MYOF: variants seen among roughly 807,000 people sequenced by gnomAD.
The protein encoded by MYOF is myoferlin, also known as fer-1-like 3, myoferlin.
Under a neutral mutation model 284.2 loss-of-function variants are expected in MYOF, and 244 were observed. The observed-to-expected ratio is 0.86, with a 90% CI of 0.77 to 0.95. MYOF has a LOEUF of 0.95. Among genes scored for constraint, MYOF ranks in the 40% least tolerant of loss-of-function variants. MYOF has a pLI of 0.00. For synonymous variants in MYOF, 904 were observed against 919.7 expected, an observed-to-expected ratio of 0.98 and a Z score of 0.31; for missense variants, 2,496 against 2,560.6, an observed-to-expected ratio of 0.97 and a Z score of 0.54.
At chr10:93,446,005 T>C (rs7069180) in intron 3 of MYOF, among the ~76,000 whole-genome samples, 27,082 of 150,226 alleles carry the variant, frequency 0.18, 2,840 homozygotes, top group Middle Eastern at 0.26. Flanking sequence ...TATTCCCAGA[T>C]GGTTAAAAAA....
intron 1 of MYOF, among the ~76,000 whole-genome samples, chr10:93,473,270 G>T (rs2057190655): frequency 6.6e-6 from 1 of 152,202 alleles, no homozygotes; most frequent in Non-Finnish European, 1.5e-5. Flanking sequence ...CCCCCAGAAG[G>T]CTGCCCTGTG....
In MYOF at chr10:93,343,840, C is replaced by T; in HGVS notation, c.4326+16G>A. 1 of 1,613,658 alleles carries T rather than the reference C, an allele frequency of 6.2e-7. No homozygotes were observed. Among genetic ancestry groups the T allele is most frequent in the South Asian group, 1.1e-5 (1 of 91,056 alleles). On this transcript the variant is annotated intron_variant, in intron 38 of 53. Transcript: ENST00000359263. Reference sequence around the variant, plus strand: ...GATAAAACTGACAGCATCCACTGATCAGCTCTGAAGCCTACCTTAGAAGCC... The same window carrying T: ...GATAAAACTGACAGCATCCACTGATTAGCTCTGAAGCCTACCTTAGAAGCC...
At chr10:93,320,697 GA>G (rs1445596316) in intron 48 of MYOF, among the ~76,000 whole-genome samples, 2 of 152,122 alleles carry the variant, frequency 1.3e-5, no homozygotes, top group African/African-American at 4.8e-5. Flanking sequence ...ATGAATGAAT[GA>G]GTGTGCCCAG....
At chr10:93,423,673 A>T (rs2134181106) in intron 5 of MYOF, among the ~76,000 whole-genome samples, 1 of 151,908 alleles carries the variant, frequency 6.6e-6, no homozygotes, top group Non-Finnish European at 1.5e-5. Context: ...CTCTTCTAAA[A>T]ATACAAAAAA....
At chr10:93,446,811 C>T (rs948895606) in intron 3 of MYOF, among the ~76,000 whole-genome samples, 2 of 152,042 alleles carry the variant, frequency 1.3e-5, no homozygotes, top group African/African-American at 4.8e-5. Context: ...ACCTCTGCCT[C>T]CCAGGTTCGA....
chr10:93,308,914 G>A (rs1301866250), intron 53 of MYOF, among the ~76,000 whole-genome samples: 2 of 152,134 alleles, frequency 1.3e-5, no homozygotes, highest in Non-Finnish European at 2.9e-5. Context: ...GTTTCGCTAT[G>A]TTGGCCAGGC....
chr10:93,431,348 A>T, intron 4 of MYOF, 60 bp downstream of exon 4: 1 of 1,462,210 alleles, frequency 6.8e-7, no homozygotes, highest in Non-Finnish European at 9.6e-7. Flanking sequence ...CCTTTTTCTT[A>T]ATGAAATTTT....
intron 37 of MYOF, among the ~76,000 whole-genome samples, chr10:93,345,843 A>G (rs1844162007): frequency 6.6e-6 from 1 of 151,992 alleles, no homozygotes; most frequent in Admixed American, 6.6e-5. Context: ...CCTTGACCAC[A>G]CTCTACATTG....
At chr10:93,464,945 C>T (rs142501710) in intron 1 of MYOF, among the ~76,000 whole-genome samples, 52 of 152,210 alleles carry the variant, frequency 3.4e-4, no homozygotes, top group African/African-American at 1.2e-3. Flanking sequence ...TATATAAAGC[C>T]CCATATGAAT....
intron 19 of MYOF, among the ~76,000 whole-genome samples, chr10:93,381,891 G>T (rs990445653): frequency 3.9e-5 from 6 of 152,042 alleles, no homozygotes; most frequent in Non-Finnish European, 8.8e-5. Context: ...ACAAAAATTA[G>T]CTGGGCGTGG....
At chr10:93,432,910 A>G (rs2134224795) in intron 3 of MYOF, among the ~76,000 whole-genome samples, 1 of 152,326 alleles carries the variant, frequency 6.6e-6, no homozygotes, top group South Asian at 2.1e-4. Flanking sequence ...GAGAATTAAT[A>G]CTCAAAACAT....
Position 93,347,695 on chromosome 10 carries a change from G to A in MYOF, c.4171C>T (p.Gln1391Ter). ...CGGTCCAGGCGCTCGATGGTGCACT[G>A]GCCGACGACAGGCTTCCGCCCAAAC... The part of the protein sequence containing the change: ...RQFGRKPVVG[Q>*]CTIERLDRFR... Residue 1391 changes from glutamine to a stop codon, truncating the protein, a stop_gained, in exon 37 of 54, where the codon CAG becomes TAG. Transcript: ENST00000359263. LOFTEE classifies it high-confidence loss of function. The A allele has an allele frequency of 6.2e-7, 1 of 1,614,146 alleles. No homozygotes were observed. The highest frequency in any genetic ancestry group is 8.5e-7 in the Non-Finnish European group (1 of 1,180,034).
chr10:93,479,176 T>C (rs1054725694), intron 1 of MYOF, among the ~76,000 whole-genome samples: 43 of 151,806 alleles, frequency 2.8e-4, no homozygotes, highest in African/African-American at 9.4e-4. Flanking sequence ...AGTCTCGTTC[T>C]ATCTCCCAGG....
At chr10:93,332,975 C>A (rs1463614671) in intron 43 of MYOF, among the ~76,000 whole-genome samples, 1 of 152,176 alleles carries the variant, frequency 6.6e-6, no homozygotes, top group Non-Finnish European at 1.5e-5. Context: ...CTGGCCTGTG[C>A]TCCTATAACA....
At chr10:93,402,928 T>G in intron 9 of MYOF, 38 bp from the exon 10 acceptor site, 16 of 1,541,480 alleles carry the variant, frequency 1.0e-5, no homozygotes, top group Non-Finnish European at 1.4e-5. Context: ...TAAGTAGATT[T>G]TAAAATCAGT....
intron 37 of MYOF, among the ~76,000 whole-genome samples, chr10:93,346,259 C>T (rs1844179525): frequency 6.6e-6 from 1 of 151,918 alleles, no homozygotes; most frequent in Admixed American, 6.6e-5. Flanking sequence ...GATGCTTAGT[C>T]AGACCTACAC....
chr10:93,419,773 A>G (rs1253345053), intron 5 of MYOF, among the ~76,000 whole-genome samples: 1 of 152,186 alleles, frequency 6.6e-6, no homozygotes, highest in Non-Finnish European at 1.5e-5. Flanking sequence ...TGGTAAAACA[A>G]TGGCTTTCTC....
chr10:93,361,337 G>C (rs556336363), intron 28 of MYOF, 115 bp downstream of exon 28: 3 of 965,952 alleles, frequency 3.1e-6, no homozygotes, highest in East Asian at 4.9e-5. Context: ...TGGGGGCTGG[G>C]GACTCCTGCC....
intron 50 of MYOF, among the ~76,000 whole-genome samples, chr10:93,315,993 C>T (rs1322290932): frequency 3.3e-5 from 5 of 151,522 alleles, no homozygotes; most frequent in Non-Finnish European, 4.4e-5. Flanking sequence ...AGCCAGGTTT[C>T]GTATGCCTGT....
Sources: allele counts gnomAD v4.1 joint callset (sites outside exome capture counted in the v4.1 genomes callset), GRCh38; gene constraint gnomAD v4.1.1; transcripts MANE v1.5; gene names NCBI Gene and HGNC (gene_info 2026-07-23, HGNC 2026-07-21).